The following GATAD2A variants were observed in gnomAD, a reference collection of about 807,000 sequenced individuals.
GATAD2A encodes transcriptional repressor p66-alpha.
A neutral mutation model predicts 68.5 loss-of-function variants in GATAD2A; 12 were observed. The ratio of observed to expected loss-of-function variants is 0.18; its 90% CI spans 0.11 to 0.28. The LOEUF (loss-of-function observed/expected upper bound fraction) is 0.28, where lower values mean the gene tolerates loss of function less well. Ranked by LOEUF, GATAD2A falls within the 10% of genes least tolerant of loss-of-function variation. GATAD2A has a pLI of 1.00. For missense variants in GATAD2A, 755 were observed against 868.5 expected (o/e 0.87, Z 1.64); for synonymous variants, 410 against 375.3 (o/e 1.09, Z -1.07).
intron 1 of GATAD2A, among the ~76,000 whole-genome samples, chr19:19,432,752 C>T (rs1287591547): frequency 6.6e-6 from 1 of 152,186 alleles, no homozygotes; most frequent in African/African-American, 2.4e-5. Flanking sequence ...GGCCAGGAGG[C>T]CAGTATGGCT....
intron 1 of GATAD2A, among the ~76,000 whole-genome samples, chr19:19,388,740 C>G (rs74604097): frequency 0.04 from 6,100 of 152,162 alleles, 203 homozygotes; most frequent in Non-Finnish European, 0.06. Context: ...TCCCATCCCT[C>G]AGTCCTCCCC....
intron 2 of GATAD2A, among the ~76,000 whole-genome samples, chr19:19,482,526 A>G (rs1021759874): frequency 6.6e-6 from 1 of 152,146 alleles, no homozygotes; most frequent in African/African-American, 2.4e-5. Flanking sequence ...GGGTCCACAC[A>G]GGAGCTCAGG....
chr19:19,451,117 G>A (rs1394166444), intron 1 of GATAD2A, among the ~76,000 whole-genome samples: 1 of 151,350 alleles, frequency 6.6e-6, no homozygotes, highest in Admixed American at 6.6e-5. Context: ...GCTTACTCCT[G>A]TAATCCCAGC....
intron 1 of GATAD2A, among the ~76,000 whole-genome samples, chr19:19,418,903 A>G (rs555399885): frequency 2.8e-4 from 42 of 152,260 alleles, no homozygotes; most frequent in Middle Eastern, 3.4e-3. Flanking sequence ...GTATCTGACT[A>G]GTAATCACCA....
intron 8 of GATAD2A, among the ~76,000 whole-genome samples, chr19:19,499,622 A>C (rs975909829): frequency 6.6e-6 from 1 of 151,918 alleles, no homozygotes; most frequent in African/African-American, 2.4e-5. Flanking sequence ...TGCTCTCCCC[A>C]CTCTCTTAGG....
rs769288146 is a variant in GATAD2A, at chr19:19,506,748, C to T, written c.*1274C>T. The T allele has an allele frequency of 3.3e-5, 5 of 152,192 alleles. No homozygotes were observed. The highest frequency in any genetic ancestry group is 2.1e-4 in the South Asian group (1 of 4,832). 9.4% of individuals were successfully genotyped at this position (152,192 alleles called of 1,614,324 possible). A position where few individuals can be genotyped will look rare whatever the true frequency, so the allele number is the denominator to read the frequency against. On this transcript the variant is annotated 3_prime_UTR_variant, in exon 12 of 12. Coordinates refer to ENST00000683918, the MANE Select transcript of GATAD2A (RefSeq NM_001384528.1). Reference sequence around the variant, plus strand: ...TGGTTCCGTGAGGAAAGGCAGAAGCCGTTCCGTGTCTCTTGCAGGCTGGGC... The same window carrying T: ...TGGTTCCGTGAGGAAAGGCAGAAGCTGTTCCGTGTCTCTTGCAGGCTGGGC...
At chr19:19,450,793 G>A (rs573443105) in intron 1 of GATAD2A, among the ~76,000 whole-genome samples, 7 of 150,130 alleles carry the variant, frequency 4.7e-5, no homozygotes, top group South Asian at 2.1e-4. Flanking sequence ...TGTTTGAGAC[G>A]GAGTTTTGCT....
At chr19:19,431,070 G>A (rs144129325) in intron 1 of GATAD2A, among the ~76,000 whole-genome samples, 43 of 151,252 alleles carry the variant, frequency 2.8e-4, no homozygotes, top group East Asian at 1.8e-3. Context: ...TCAAGGGAGC[G>A]GAAGAGTCTC....
At chr19:19,468,625 G>C (rs548534842) in intron 2 of GATAD2A, among the ~76,000 whole-genome samples, 2 of 152,290 alleles carry the variant, frequency 1.3e-5, no homozygotes, top group East Asian at 1.9e-4. Flanking sequence ...CTTCTGACTC[G>C]AGACAATGGA....
intron 1 of GATAD2A, among the ~76,000 whole-genome samples, chr19:19,395,709 G>A (rs2049185635): frequency 6.6e-6 from 1 of 152,186 alleles, no homozygotes; most frequent in Non-Finnish European, 1.5e-5. Context: ...GAATCCGACA[G>A]TAGATAGGTC....
intron 1 of GATAD2A, among the ~76,000 whole-genome samples, chr19:19,421,433 A>G (rs1418030337): frequency 6.6e-6 from 1 of 151,956 alleles, no homozygotes. Context: ...TCTTGCATGT[A>G]GGTTGGGTTG....
At chr19:19,503,402 C>CTCTA (rs1022540369) in intron 11 of GATAD2A, among the ~76,000 whole-genome samples, 2 of 152,198 alleles carry the variant, frequency 1.3e-5, no homozygotes, top group African/African-American at 4.8e-5. Flanking sequence ...AGGTGCCAGG[C>CTCTA]TCTGCAGGGG....
chr19:19,488,704 G>T (rs544277844), intron 2 of GATAD2A, among the ~76,000 whole-genome samples: 9 of 152,220 alleles, frequency 5.9e-5, no homozygotes, highest in Non-Finnish European at 5.9e-5. Context: ...GGGAGTGGGG[G>T]TGGTGCGTGT....
At chr19:19,400,685 TTTC>T (rs2049644585), upstream of GATAD2A, among the ~76,000 whole-genome samples, 1 of 152,166 alleles carries the variant, frequency 6.6e-6, no homozygotes, top group African/African-American at 2.4e-5. Context: ...AATCTTTTCT[TTTC>T]TTTTCTTTTC....
chr19:19,462,463 G>T (rs891682773), intron 1 of GATAD2A, among the ~76,000 whole-genome samples: 8 of 152,352 alleles, frequency 5.3e-5, no homozygotes, highest in African/African-American at 1.9e-4. Context: ...GCCCCGCCCC[G>T]CAGTGGCCTG....
At chr19:19,470,446 A>G (rs1304115952) in intron 2 of GATAD2A, among the ~76,000 whole-genome samples, 1 of 152,130 alleles carries the variant, frequency 6.6e-6, no homozygotes, top group Non-Finnish European at 1.5e-5. Flanking sequence ...GACATTTCAT[A>G]TGATATTTCA....
intron 11 of GATAD2A, 84 bp downstream of exon 11, chr19:19,502,610 A>G (rs963878109): frequency 3.1e-5 from 35 of 1,111,698 alleles, no homozygotes; most frequent in Non-Finnish European, 4.4e-5. Context: ...GCACATGTGC[A>G]GCGGGTGAAC....
chr19:19,501,377 G>A lies in GATAD2A; in HGVS notation c.1464G>A (p.Lys488=), dbSNP rs1307398542. The change falls in exon 9 of 12, where the codon AAG becomes AAA. Residue 488 remains lysine (K), a synonymous_variant. Coordinates refer to ENST00000683918, the MANE Select transcript of GATAD2A (RefSeq NM_001384528.1). ...AGGGCACGGCCCCTGCACAGGCCAA[G>A]GCCGAGCCCACCGCTGCCCCACACC... is the stretch of plus-strand genomic sequence containing the variant. ...LQQGTAPAQA[K]AEPTAAPHPV... 1.2e-6 allele frequency: 2 copies of A among 1,609,072 alleles called. No individual in the cohort carries two copies. Among genetic ancestry groups the A allele is most frequent in the South Asian group, 1.1e-5 (1 of 90,630 alleles).
intron 1 of GATAD2A, among the ~76,000 whole-genome samples, chr19:19,411,314 G>C (rs781550574): frequency 6.6e-6 from 1 of 152,200 alleles, no homozygotes; most frequent in South Asian, 2.1e-4. Context: ...GGTTGGTTGT[G>C]CCCCAAGCCA....
Sources: gnomAD v4.1 joint callset for allele counts (sites outside exome capture counted in the v4.1 genomes callset) on GRCh38, gnomAD v4.1.1 for gene constraint, MANE v1.5 for transcripts, NCBI Gene and HGNC (gene_info 2026-07-23, HGNC 2026-07-21) for gene names.